Variants in PRKAG2 observed in about 807,000 individuals in gnomAD.
PRKAG2 encodes 5'-AMP-activated protein kinase subunit gamma-2.
A neutral mutation model predicts 69.6 loss-of-function variants in PRKAG2; 26 were observed. That is an observed-to-expected ratio of 0.37 (90% CI 0.27 to 0.52). The LOEUF is 0.52. Ranked by LOEUF, PRKAG2 falls within the 20% of genes least tolerant of loss-of-function variation. The pLI, the probability that PRKAG2 is intolerant of heterozygous loss-of-function variation, is 0.90. For synonymous variants in PRKAG2, 293 were observed against 285.0 expected, an observed-to-expected ratio of 1.03 and a Z score of -0.28; for missense variants, 557 against 740.0, an observed-to-expected ratio of 0.75 and a Z score of 2.87.
chr7:151,731,913 C>T (rs1237673983), intron 3 of PRKAG2, among the ~76,000 whole-genome samples: 2 of 151,812 alleles, frequency 1.3e-5, no homozygotes, highest in East Asian at 3.9e-4. Flanking sequence ...TCTTGGCTCA[C>T]TTCAACCTCT....
intron 14 of PRKAG2, among the ~76,000 whole-genome samples, chr7:151,561,661 G>A (rs761127548): frequency 3.9e-5 from 6 of 152,206 alleles, no homozygotes; most frequent in Admixed American, 6.5e-5. Context: ...GGCCGGGCGC[G>A]ATGGCTCACG....
At chr7:151,809,245 A>G (rs552057408) in intron 1 of PRKAG2, 44 of 456,666 alleles carry the variant, frequency 9.6e-5, no homozygotes, top group African/African-American at 6.6e-4. Flanking sequence ...TGCTTTCAAA[A>G]CAGGTGAATC....
intron 6 of PRKAG2, among the ~76,000 whole-genome samples, chr7:151,586,054 T>G (rs1397678709): frequency 6.6e-6 from 1 of 152,236 alleles, no homozygotes; most frequent in African/African-American, 2.4e-5. Flanking sequence ...CCACTGCCCC[T>G]GCACAGAGTG....
rs1462739995 is a variant in PRKAG2, at chr7:151,619,165, T to C, written c.754+12904A>G. On this transcript the variant is annotated intron_variant, in intron 5 of 15. Transcript: ENST00000287878. The stretch of plus-strand genomic sequence containing the variant: ...GTCAGAATTTTAAAATGGTTTTGCA[T>C]AGAATTCTAGGAACTATTAATACAT... Among the ~76,000 whole-genome samples the C allele has an allele frequency of 3.9e-5, 6 of 152,306 alleles. No individual in the cohort carries two copies. The East Asian group carries it at 9.7e-4, about 25-fold the overall frequency.
At chr7:151,784,928 G>A (rs1051677993) in intron 2 of PRKAG2, among the ~76,000 whole-genome samples, 1 of 152,222 alleles carries the variant, frequency 6.6e-6, no homozygotes, top group Non-Finnish European at 1.5e-5. Flanking sequence ...ACTCCCAGAC[G>A]GTGGGAAAGC....
At position 151,790,249 on chromosome 7, in the gene PRKAG2, C is replaced by T. The variant is rs74486115; in HGVS notation, c.115-3708G>A. On this transcript the variant is annotated intron_variant, in intron 1 of 15. Coordinates refer to ENST00000287878, the MANE Select transcript of PRKAG2 (RefSeq NM_016203.4). ...TTCCTTCCTCTTGCTCTTCCTGCTCCGTGTCCCCAAATCCTGGCTCACAGA... is the reference window on the plus strand; with the variant it reads ...TTCCTTCCTCTTGCTCTTCCTGCTCTGTGTCCCCAAATCCTGGCTCACAGA... 2.0e-3 allele frequency among the ~76,000 whole-genome samples: 304 copies of T among 152,278 alleles called. 3 individuals carry two copies. The highest frequency in any genetic ancestry group is 6.7e-3 in the South Asian group (32 of 4,812).
rs748284788 is a variant in PRKAG2, at chr7:151,560,593, C to T, written c.1609G>A (p.Glu537Lys). Residue 537 changes from glutamate to lysine, a missense_variant, in exon 15 of 16, where the codon GAA becomes AAA. Physicochemically the swap from Glu to Lys is moderately conservative, Grantham distance 56. This residue lies in a region of PRKAG2 where 205 missense variants were observed against 383.4 expected (regional missense o/e 0.53). Transcript: ENST00000287878. ...ATAATACCCACAATACTATCTGCTT[C>T]ATTTACCACCACCAGCCGATGGACC... ...AEVHRLVVVN[E>K]ADSIVGIISL... 2 of 1,613,900 alleles carry T rather than the reference C, an allele frequency of 1.2e-6. No homozygotes were observed. The highest frequency in any genetic ancestry group is 1.7e-6 in the Non-Finnish European group (2 of 1,179,898).
chr7:151,772,369 T>C (rs1169971286), intron 3 of PRKAG2, among the ~76,000 whole-genome samples: 2 of 152,190 alleles, frequency 1.3e-5, no homozygotes, highest in African/African-American at 4.8e-5. Flanking sequence ...CTCTCCAAAA[T>C]CTTCTCCAAC....
intron 3 of PRKAG2, among the ~76,000 whole-genome samples, chr7:151,694,512 A>G: frequency 6.6e-6 from 1 of 151,874 alleles, no homozygotes; most frequent in Non-Finnish European, 1.5e-5. Flanking sequence ...GAATCTGGCC[A>G]CTCTAGGGAC....
chr7:151,701,842 CAAA>C (rs71533538), intron 3 of PRKAG2, among the ~76,000 whole-genome samples: 5 of 92,456 alleles, frequency 5.4e-5, no homozygotes, highest in African/African-American at 8.1e-5. Flanking sequence ...GACTCTGTCT[CAAA>C]AAAAAAAAAA....
At chr7:151,740,683 CGTGA>C (rs2151710308) in intron 3 of PRKAG2, among the ~76,000 whole-genome samples, 1 of 152,296 alleles carries the variant, frequency 6.6e-6, no homozygotes, top group Admixed American at 6.5e-5. Context: ...ATGAAAAAGC[CGTGA>C]GTATGTGAGC....
intron 4 of PRKAG2, among the ~76,000 whole-genome samples, chr7:151,647,651 C>G (rs1031274787): frequency 6.6e-6 from 1 of 152,042 alleles, no homozygotes; most frequent in Non-Finnish European, 1.5e-5. Context: ...TGGTCTTTAT[C>G]TGAGAGTAGA....
Position 151,807,778 on chromosome 7 carries a change from C to T in PRKAG2, c.115-21237G>A, listed in dbSNP as rs369400368. ...GCATCCGAACCCTTCTCTGACTTGGCGGGTTATTGGATTAGCTACTCTCAG... is the reference window on the plus strand; with the variant it reads ...GCATCCGAACCCTTCTCTGACTTGGTGGGTTATTGGATTAGCTACTCTCAG... On this transcript the variant is annotated intron_variant, in intron 1 of 15. Transcript: ENST00000287878. This position sits in a 1 kb window ranked among gnomAD's most constrained non-coding sequence, Gnocchi z 4.4. The T allele has an allele frequency of 2.0e-4, 71 of 362,558 alleles. No homozygotes were observed. Among genetic ancestry groups the T allele is most frequent in the African/African-American group, 3.2e-4 (15 of 47,012 alleles). 22.5% of individuals were successfully genotyped at this position (362,558 alleles called of 1,614,324 possible). A position where few individuals can be genotyped will look rare whatever the true frequency, so the allele number is the denominator to read the frequency against.
chr7:151,709,071 G>A (rs1449518010), intron 3 of PRKAG2, among the ~76,000 whole-genome samples: 3 of 152,092 alleles, frequency 2.0e-5, no homozygotes, highest in Non-Finnish European at 4.4e-5. Context: ...ATTGAGTGAC[G>A]TGTGTGACAC....
Position 151,614,406 on chromosome 7 carries a change from A to G in PRKAG2, c.754+17663T>C, listed in dbSNP as rs867541683. ...GTACTACTTTATCCTGGAGGTGACC[A>G]GAAGCCACACAGGGGCTCACACAGG... On this transcript the variant is annotated intron_variant, in intron 5 of 15. Coordinates refer to ENST00000287878, the MANE Select transcript of PRKAG2 (RefSeq NM_016203.4). This position sits in a 1 kb window ranked among gnomAD's most constrained non-coding sequence, Gnocchi z 4.4. 6.6e-6 allele frequency among the ~76,000 whole-genome samples: 1 copy of G among 152,110 alleles called. No homozygotes were observed. Among genetic ancestry groups the G allele is most frequent in the Non-Finnish European group, 1.5e-5 (1 of 67,996 alleles).
chr7:151,753,170 G>C (rs1022810195), intron 3 of PRKAG2, among the ~76,000 whole-genome samples: 1 of 152,242 alleles, frequency 6.6e-6, no homozygotes, highest in Non-Finnish European at 1.5e-5. Context: ...CAGATGAAGA[G>C]ACTGAAGAGA....
At chr7:151,690,024 C>T (rs901248532) in intron 3 of PRKAG2, among the ~76,000 whole-genome samples, 20 of 152,148 alleles carry the variant, frequency 1.3e-4, no homozygotes, top group African/African-American at 4.8e-4. Flanking sequence ...GGGAAATAAG[C>T]GTCTCGTGGT....
chr7:151,565,200 A>T, intron 13 of PRKAG2, 146 bp downstream of exon 13: 1 of 590,056 alleles, frequency 1.7e-6, no homozygotes, highest in Non-Finnish European at 2.7e-6. Flanking sequence ...TTACTATAGA[A>T]GGTCTATAAA....
intron 1 of PRKAG2, among the ~76,000 whole-genome samples, chr7:151,845,703 C>A (rs766551793): frequency 7.2e-5 from 11 of 152,212 alleles, no homozygotes; most frequent in Non-Finnish European, 1.3e-4. Context: ...TGCCAAGTCA[C>A]CTAAATGCTG....
Sources: allele counts gnomAD v4.1 joint callset (sites outside exome capture counted in the v4.1 genomes callset), GRCh38; gene constraint gnomAD v4.1.1; regional missense constraint gnomAD v4.1.1; non-coding constraint Gnocchi (gnomAD v3.1); transcripts MANE v1.5; gene names NCBI Gene and HGNC (gene_info 2026-07-23, HGNC 2026-07-21).